Variants in NAV3 observed in about 807,000 individuals in gnomAD.
NAV3 encodes pore membrane and/or filament interacting like protein 1.
In NAV3, 87 loss-of-function variants were observed where a neutral mutation model predicts 244.7. That is an observed-to-expected ratio of 0.36 (90% CI 0.30 to 0.42). NAV3 has a LOEUF of 0.42. NAV3 is among the 20% of genes least tolerant of loss of function. The pLI is 1.00. For synonymous variants in NAV3, 1,126 were observed against 1,042.2 expected (o/e 1.08, Z -1.55); for missense variants, 2,663 against 2,893.3 (o/e 0.92, Z 1.83).
At chr12:78,193,495 G>A (rs1057148489) in intron 34 of NAV3, among the ~76,000 whole-genome samples, 1 of 152,116 alleles carries the variant, frequency 6.6e-6, no homozygotes, top group Non-Finnish European at 1.5e-5. Context: ...TGTAACTGTG[G>A]TGTTCCACCT....
chr12:77,648,320 C>G (rs79763705), intron 2 of NAV3, among the ~76,000 whole-genome samples: 2 of 152,184 alleles, frequency 1.3e-5, no homozygotes, highest in East Asian at 3.9e-4. Context: ...TACACACACA[C>G]AGAGACACCC....
intron 1 of NAV3, among the ~76,000 whole-genome samples, chr12:77,882,743 A>G (rs959763590): frequency 1.3e-5 from 2 of 152,164 alleles, no homozygotes; most frequent in Non-Finnish European, 2.9e-5. Context: ...AAACAAAAAC[A>G]AGTAACTCTA....
intron 2 of NAV3, among the ~76,000 whole-genome samples, chr12:77,772,539 C>A (rs1009006780): frequency 1.3e-5 from 2 of 152,114 alleles, no homozygotes; most frequent in African/African-American, 2.4e-5. Flanking sequence ...CTTCACTGAG[C>A]AAAACTAGCA....
At chr12:77,903,797 A>G (rs576712327) in intron 1 of NAV3, among the ~76,000 whole-genome samples, 27 of 152,320 alleles carry the variant, frequency 1.8e-4, no homozygotes, top group Non-Finnish European at 3.8e-4. Flanking sequence ...CAAATTTACA[A>G]GAAAGAAACA....
At chr12:77,704,736 G>A (rs1875714441) in intron 2 of NAV3, among the ~76,000 whole-genome samples, 1 of 152,098 alleles carries the variant, frequency 6.6e-6, no homozygotes. Flanking sequence ...TAAAAGATAT[G>A]TTACAAAACA....
intron 2 of NAV3, among the ~76,000 whole-genome samples, chr12:77,752,199 C>G (rs183852208): frequency 1.3e-5 from 2 of 152,250 alleles, no homozygotes; most frequent in Admixed American, 1.3e-4. Flanking sequence ...ACTGATGCAC[C>G]ATTACTTTGA....
chr12:77,728,846 C>T (rs1278370715), intron 2 of NAV3, among the ~76,000 whole-genome samples: 1 of 65,110 alleles, frequency 1.5e-5, no homozygotes, highest in Non-Finnish European at 2.8e-5. Flanking sequence ...TCCTGGCTCC[C>T]CTTCTACCCG....
chr12:78,182,744 T>G (rs183941172), intron 30 of NAV3, among the ~76,000 whole-genome samples: 115 of 152,088 alleles, frequency 7.6e-4, no homozygotes, highest in African/African-American at 2.5e-3. Flanking sequence ...ACCCATTCCC[T>G]AAGTTATTTT....
chr12:77,973,738 A>C (rs1479838651), intron 5 of NAV3, among the ~76,000 whole-genome samples: 1 of 152,144 alleles, frequency 6.6e-6, no homozygotes, highest in East Asian at 1.9e-4. Context: ...AATCTTGAGA[A>C]GTATATAAGG....
intron 19 of NAV3, among the ~76,000 whole-genome samples, 167 bp downstream of exon 19, chr12:78,137,532 T>C (rs1389169761): frequency 6.6e-6 from 1 of 152,182 alleles, no homozygotes; most frequent in African/African-American, 2.4e-5. Flanking sequence ...TTATCTTCTA[T>C]TTCTTTATGT....
intron 2 of NAV3, among the ~76,000 whole-genome samples, chr12:77,709,472 T>C (rs187723056): frequency 6.7e-4 from 102 of 152,242 alleles, no homozygotes; most frequent in Non-Finnish European, 1.1e-3. Flanking sequence ...AGACTTGTAG[T>C]AGAGTAAAAG....
At chr12:78,161,365 T>C (rs417885) in intron 23 of NAV3, among the ~76,000 whole-genome samples, 21,286 of 152,040 alleles carry the variant, frequency 0.14, 1,716 homozygotes, top group Admixed American at 0.25. Context: ...AAGCATATTG[T>C]TGGAAATGAG....
chr12:78,053,212 T>C (rs1235676280), intron 11 of NAV3, among the ~76,000 whole-genome samples: 1 of 149,908 alleles, frequency 6.7e-6, no homozygotes, highest in Non-Finnish European at 1.5e-5. Context: ...TGAGACTCCG[T>C]CTAAAAATAT....
chr12:77,606,747 T>A (rs868508122), intron 2 of NAV3, among the ~76,000 whole-genome samples: 1 of 152,146 alleles, frequency 6.6e-6, no homozygotes, highest in South Asian at 2.1e-4. Flanking sequence ...TTTAGTTCTT[T>A]ACATCACATG....
intron 23 of NAV3, 115 bp downstream of exon 23, chr12:78,159,401 T>C: frequency 1.0e-6 from 1 of 954,004 alleles, no homozygotes; most frequent in African/African-American, 1.7e-5. Flanking sequence ...CAGAGGCTCA[T>C]GCCTGTAATC....
intron 2 of NAV3, among the ~76,000 whole-genome samples, chr12:77,592,395 A>G (rs1869946853): frequency 6.6e-6 from 1 of 152,142 alleles, no homozygotes; most frequent in Non-Finnish European, 1.5e-5. Context: ...AAAGTTCAGA[A>G]TAGGAGAATG....
chr12:77,709,488 C>T lies in NAV3; in HGVS notation c.72+137222C>T, dbSNP rs1219022913. ...GACTTGTAGTAGAGTAAAAGGAAAA[C>T]ATTCTGTAAATAAATTTAATAAACT... On this transcript the variant is annotated intron_variant, in intron 2 of 8. Transcript: ENST00000550042. Among the ~76,000 whole-genome samples, 5 of 152,160 alleles carry T rather than the reference C, an allele frequency of 3.3e-5. No homozygotes were observed. The East Asian group carries it at 7.7e-4, about 24-fold the overall frequency.
At chr12:77,898,455 T>C (rs1338759722) in intron 1 of NAV3, among the ~76,000 whole-genome samples, 1 of 152,164 alleles carries the variant, frequency 6.6e-6, no homozygotes, top group Non-Finnish European at 1.5e-5. Flanking sequence ...AAAATAAACT[T>C]GATGAAGATG....
At chr12:77,623,346 C>T (rs568439529) in intron 2 of NAV3, among the ~76,000 whole-genome samples, 1 of 152,260 alleles carries the variant, frequency 6.6e-6, no homozygotes, top group South Asian at 2.1e-4. Context: ...TAGAGATATA[C>T]TTCTGATTTT....
Sources: allele counts gnomAD v4.1 joint callset (sites outside exome capture counted in the v4.1 genomes callset), GRCh38; gene constraint gnomAD v4.1.1; transcripts MANE v1.5; gene names NCBI Gene and HGNC (gene_info 2026-07-23, HGNC 2026-07-21).